Variants in SPINT2 observed in about 807,000 individuals in gnomAD.
SPINT2 encodes serine peptidase inhibitor, Kunitz type 2.
SPINT2 carries 18 observed loss-of-function variants against 30.1 expected under a neutral mutation model. That is an observed-to-expected ratio of 0.60 (90% CI 0.41 to 0.89). The LOEUF is 0.89. SPINT2 is among the 40% of genes least tolerant of loss of function. SPINT2 has a pLI of 0.00. For missense variants in SPINT2, 276 were observed against 334.3 expected, an observed-to-expected ratio of 0.83 and a Z score of 1.36; for synonymous variants, 139 against 137.9, an observed-to-expected ratio of 1.01 and a Z score of -0.05.
intron 1 of SPINT2, among the ~76,000 whole-genome samples, chr19:38,275,264 C>G (rs576453346): frequency 1.4e-4 from 22 of 152,222 alleles, no homozygotes; most frequent in Non-Finnish European, 2.5e-4. Context: ...AATAAACATT[C>G]TTTCTGTTTG....
At chr19:38,273,019 G>A (rs1360637452) in intron 1 of SPINT2, among the ~76,000 whole-genome samples, 1 of 152,100 alleles carries the variant, frequency 6.6e-6, no homozygotes, top group East Asian at 1.9e-4. Flanking sequence ...ACCGTGCCCG[G>A]CCTGAAATGT....
chr19:38,286,848 C>G (rs1022664381), intron 2 of SPINT2, among the ~76,000 whole-genome samples: 2 of 152,074 alleles, frequency 1.3e-5, no homozygotes, highest in East Asian at 1.9e-4. Flanking sequence ...TTTTCTCCCC[C>G]CAAAGAGATT....
chr19:38,292,082 C>A lies in SPINT2; in HGVS notation c.*76C>A. ...CTTTTTTTAAATAGAGGGATTGACT[C>A]GGATTTGAGTGATCATTAGGGCTGA... On this transcript the variant is annotated 3_prime_UTR_variant, in exon 7 of 7. Transcript: ENST00000301244. 1 of 1,559,124 alleles carries A rather than the reference C, an allele frequency of 6.4e-7. No homozygotes were observed. Among genetic ancestry groups the A allele is most frequent in the South Asian group, 1.2e-5 (1 of 85,564 alleles).
At position 38,280,243 on chromosome 19, in the gene SPINT2, C is replaced by T. The variant is rs936886344; in HGVS notation, c.107-3384C>T. Among the ~76,000 whole-genome samples the T allele has an allele frequency of 2.0e-5, 3 of 152,286 alleles. No homozygotes were observed. In the South Asian group the frequency reaches 6.2e-4, roughly 32 times the overall value. On this transcript the variant is annotated intron_variant, in intron 1 of 6. Coordinates refer to ENST00000301244, the MANE Select transcript of SPINT2 (RefSeq NM_021102.4). ...GTCTCAGGGACAGATCGTGACCGTG[C>T]TCCGGAAGAGCTGTCCTCAGCCGCT...
rs879535887 is a variant in SPINT2, at chr19:38,281,709, C to CA, written c.107-1905dup. 2.0e-3 allele frequency among the ~76,000 whole-genome samples: 282 copies of CA among 141,368 alleles called. 1 individual carries two copies. Among genetic ancestry groups the CA allele is most frequent in the Admixed American group, 3.5e-3 (50 of 14,178 alleles). 92.7% of individuals were successfully genotyped at this position (141,368 alleles called of 152,430 possible). On this transcript the variant is annotated intron_variant, in intron 1 of 6. Coordinates refer to ENST00000301244, the MANE Select transcript of SPINT2 (RefSeq NM_021102.4). ...GGGCAACAAGAGTGAAACTCTGTCT[C>CA]AAAAAAAAAAAAATTATCATAAAAT...
chr19:38,290,397 A>G lies in SPINT2; in HGVS notation c.553+117A>G, dbSNP rs1487564265. The G allele has an allele frequency of 6.3e-7, 1 of 1,582,026 alleles. No individual in the cohort carries two copies. The highest frequency in any genetic ancestry group is 8.6e-7 in the Non-Finnish European group (1 of 1,163,146). On this transcript the variant is annotated intron_variant, in intron 5 of 6. Coordinates refer to ENST00000301244, the MANE Select transcript of SPINT2 (RefSeq NM_021102.4). This position sits in a 1 kb window ranked among gnomAD's most constrained non-coding sequence, Gnocchi z 4.3. Reference sequence around the variant, plus strand: ...TGTTCTTGGGCCCACCAGGGCAGCAAGGCCTCTAAGCCCCAGAAAAGCTGG... The same window carrying G: ...TGTTCTTGGGCCCACCAGGGCAGCAGGGCCTCTAAGCCCCAGAAAAGCTGG...
rs773320349 is a variant in SPINT2 at position 38,289,197 on chromosome 19, A to G, written c.391+6A>G. On this transcript the variant is annotated splice_donor_region_variant and intron_variant, in intron 4 of 6. Transcript: ENST00000301244. ...CGATATGTTCAACTATGAAGGTAAA[A>G]CTCCAAAGAGGCCAGGTGCGGTGGC... 5 of 1,613,368 alleles carry G rather than the reference A, an allele frequency of 3.1e-6. No individual in the cohort carries two copies. In the South Asian group the frequency reaches 4.4e-5, roughly 14 times the overall value.
At chr19:38,268,417 G>A (rs1241760437) in intron 1 of SPINT2, among the ~76,000 whole-genome samples, 1 of 152,178 alleles carries the variant, frequency 6.6e-6, no homozygotes, top group Non-Finnish European at 1.5e-5. Context: ...TATGTGACTT[G>A]TACTTTTTCC....
Position 38,290,563 on chromosome 19 carries a change from C to G in SPINT2, c.580C>G (p.Leu194Val). ...FRQQENPPLP[L>V]GSKVVVLAGL... ...CCAGCAGGAGAATCCTCCCCTGCCCCTTGGCTCAAAGGGTAAGTGGCCCCT... is the reference window on the plus strand; with the variant it reads ...CCAGCAGGAGAATCCTCCCCTGCCCGTTGGCTCAAAGGGTAAGTGGCCCCT... Residue 194 changes from leucine (L) to valine (V), a missense_variant, in exon 6 of 7, where the codon CTT (leucine) becomes GTT (valine). Transcript: ENST00000301244. This position sits in a 1 kb window ranked among gnomAD's most constrained non-coding sequence, Gnocchi z 4.3. 6.2e-7 allele frequency: 1 copy of G among 1,614,102 alleles called. No homozygotes were observed. Among genetic ancestry groups the G allele is most frequent in the Non-Finnish European group, 8.5e-7 (1 of 1,180,014 alleles).
intron 3 of SPINT2, chr19:38,288,282 C>T (rs1968667385): frequency 2.4e-6 from 1 of 410,768 alleles, no homozygotes; most frequent in Non-Finnish European, 4.6e-6. Flanking sequence ...CCCACCCACC[C>T]TCCTGTCTGC....
At chr19:38,276,167 C>A (rs1162984683) in intron 1 of SPINT2, among the ~76,000 whole-genome samples, 1 of 152,050 alleles carries the variant, frequency 6.6e-6, no homozygotes, top group Non-Finnish European at 1.5e-5. Context: ...ATTTGCAGAC[C>A]CTTGTTCTAG....
intron 2 of SPINT2, among the ~76,000 whole-genome samples, 187 bp from the exon 3 acceptor site, chr19:38,287,689 T>G (rs1968658698): frequency 6.6e-6 from 1 of 152,236 alleles, no homozygotes; most frequent in East Asian, 1.9e-4. Flanking sequence ...AAGTTAATCT[T>G]AAGTTTCCTC....
chr19:38,282,980 G>C (rs1370907155), intron 1 of SPINT2, among the ~76,000 whole-genome samples: 1 of 151,622 alleles, frequency 6.6e-6, no homozygotes, highest in Admixed American at 6.6e-5. Flanking sequence ...CATCCAGAAG[G>C]GTCTTGGAGT....
At position 38,264,991 on chromosome 19, in the gene SPINT2, C is replaced by A. The variant is rs1429242348; in HGVS notation, c.99C>A (p.Ser33Arg). ...TCCTGGCGGCCGACCGAGAACGCAGCATCCACGGTGAGGGCCGGGCGGGTA... is the reference window on the plus strand; with the variant it reads ...TCCTGGCGGCCGACCGAGAACGCAGAATCCACGGTGAGGGCCGGGCGGGTA... Reference protein sequence around the residue: ...SGVLAADRERSIHDFCLVSKV... With the variant: ...SGVLAADRERRIHDFCLVSKV... The change falls in exon 1 of 7, where the codon AGC becomes AGA. Residue 33 changes from serine to arginine, a missense_variant. By Grantham distance (110) the Ser-to-Arg change is moderately radical. Transcript: ENST00000301244. The A allele has an allele frequency of 7.8e-6, 12 of 1,532,280 alleles. No individual in the cohort carries two copies. Among genetic ancestry groups the A allele is most frequent in the Non-Finnish European group, 1.0e-5 (12 of 1,143,934 alleles). The allele number at this position is 1,532,280 out of a possible 1,614,324, so 94.9% of individuals were successfully genotyped here.
chr19:38,283,320 A>G (rs1439320543), intron 1 of SPINT2, among the ~76,000 whole-genome samples: 1 of 152,158 alleles, frequency 6.6e-6, no homozygotes, highest in Non-Finnish European at 1.5e-5. Context: ...TCTCCAAAAT[A>G]AATAAATAAA....
chr19:38,286,882 T>A (rs542560086), intron 2 of SPINT2, among the ~76,000 whole-genome samples: 1 of 152,342 alleles, frequency 6.6e-6, no homozygotes, highest in African/African-American at 2.4e-5. Flanking sequence ...TTGCCCAAGC[T>A]GGTCTCAAAC....
intron 1 of SPINT2, among the ~76,000 whole-genome samples, chr19:38,267,123 GA>G (rs1375068075): frequency 6.6e-6 from 1 of 152,226 alleles, no homozygotes; most frequent in Non-Finnish European, 1.5e-5. Context: ...TCTCTGTTCA[GA>G]GTGGCCTACC....
intron 1 of SPINT2, among the ~76,000 whole-genome samples, chr19:38,266,271 C>T (rs909776373): frequency 6.6e-6 from 1 of 151,836 alleles, no homozygotes; most frequent in Admixed American, 6.6e-5. Context: ...TGGCCTAGGG[C>T]TTTATAGACA....
intron 1 of SPINT2, among the ~76,000 whole-genome samples, chr19:38,273,336 T>A (rs1412781700): frequency 6.6e-6 from 1 of 152,196 alleles, no homozygotes; most frequent in African/African-American, 2.4e-5. Context: ...ATAAGGCTGA[T>A]TACACAGTAA....
Sources: allele counts gnomAD v4.1 joint callset (sites outside exome capture counted in the v4.1 genomes callset), GRCh38; gene constraint gnomAD v4.1.1; non-coding constraint Gnocchi (gnomAD v3.1); transcripts MANE v1.5; gene names NCBI Gene and HGNC (gene_info 2026-07-23, HGNC 2026-07-21).